Variants in MATN1 observed in about 807,000 individuals in gnomAD.
MATN1 encodes the protein matrilin-1.
In MATN1, 34 loss-of-function variants were observed where a neutral mutation model predicts 41.3. That is an observed-to-expected ratio of 0.82 (90% confidence interval 0.63 to 1.10). The LOEUF is 1.10. MATN1 is among the 50% of genes least tolerant of loss of function. MATN1 has a pLI of 0.00. For missense variants in MATN1, 602 were observed against 662.4 expected, an observed-to-expected ratio of 0.91 and a Z score of 1.00; for synonymous variants, 264 against 278.7, an observed-to-expected ratio of 0.95 and a Z score of 0.53.
rs1292821403 is a variant in MATN1 at position 30,715,329 on chromosome 1, A to G, written c.1208-20T>C. On this transcript the variant is annotated intron_variant, in intron 5 of 7. Coordinates refer to ENST00000373765, the MANE Select transcript of MATN1 (RefSeq NM_002379.3). Reference sequence around the variant, plus strand: ...TAAAGCCTGCCAGGAGGAACAGGAGAAGTAAGGCTGGACATGGGGATGGGC... The same window carrying G: ...TAAAGCCTGCCAGGAGGAACAGGAGGAGTAAGGCTGGACATGGGGATGGGC... The G allele has an allele frequency of 6.2e-7, 1 of 1,613,016 alleles. No individual in the cohort carries two copies. The highest frequency in any genetic ancestry group is 8.5e-7 in the Non-Finnish European group (1 of 1,179,294).
intron 2 of MATN1, chr1:30,721,204 A>G (rs1639690124): frequency 3.3e-6 from 2 of 597,984 alleles, no homozygotes; most frequent in Admixed American, 6.0e-5. Context: ...AGGTTGGGTA[A>G]AGGTGGCTTC....
intron 2 of MATN1, chr1:30,719,679 C>G (rs1327487563): frequency 6.5e-6 from 1 of 153,080 alleles, no homozygotes; most frequent in Non-Finnish European, 1.5e-5. Flanking sequence ...CACTGAGATC[C>G]GGCTTCGTGA....
rs1161610496 is a variant in MATN1, at chr1:30,723,552, A to C, written c.-1T>G. ...GGCTAGTGCCAGAGAGGACCCTCAT[A>C]GTTCTGGCAGCACGGGCAGCAGCCG... On this transcript the variant is annotated 5_prime_UTR_variant, in exon 1 of 8. Coordinates refer to ENST00000373765, the MANE Select transcript of MATN1 (RefSeq NM_002379.3). 3.3e-6 allele frequency: 5 copies of C among 1,533,776 alleles called. No homozygotes were observed. The highest frequency in any genetic ancestry group is 3.5e-6 in the Non-Finnish European group (4 of 1,139,232).
At chr1:30,714,815 G>C (rs1222816329) in intron 6 of MATN1, among the ~76,000 whole-genome samples, 1 of 152,150 alleles carries the variant, frequency 6.6e-6, no homozygotes, top group African/African-American at 2.4e-5. Flanking sequence ...GACCAGAGAG[G>C]CAGTAGGGTT....
At position 30,714,297 on chromosome 1, in the gene MATN1, A is replaced by T. The variant is rs1639589672; in HGVS notation, c.1391T>A (p.Val464Glu). Residue 464 changes from valine (V) to glutamate (E), a missense_variant, in exon 7 of 8, where the codon GTG (valine) becomes GAG (glutamate). Transcript: ENST00000373765. The stretch of plus-strand genomic sequence containing the variant: ...CCCCTCCACTTTGGCTTGGAATTTC[A>T]CCAGGGACTCGCAGGCACACGGGTC... ...EEDPCACESL[V>E]KFQAKVEGLL... 1 of 1,610,970 alleles carries T rather than the reference A, an allele frequency of 6.2e-7. No individual in the cohort carries two copies. Among genetic ancestry groups the T allele is most frequent in the Admixed American group, 1.7e-5 (1 of 59,718 alleles).
Position 30,721,531 on chromosome 1 carries a change from C to T in MATN1, c.315G>A (p.Leu105=), listed in dbSNP as rs747407501. 2 of 1,613,264 alleles carry T rather than the reference C, an allele frequency of 1.2e-6. No individual in the cohort carries two copies. Among genetic ancestry groups the T allele is most frequent in the South Asian group, 1.1e-5 (1 of 91,086 alleles). Residue 105 remains leucine, a synonymous_variant, in exon 2 of 8, where the codon CTG becomes CTA. Coordinates refer to ENST00000373765, the MANE Select transcript of MATN1 (RefSeq NM_002379.3). ...LRAHVSKAAL[L]QAVRRIQPLS... is the part of the protein sequence containing the mutation. ...GCGGCTGGATACGGCGCACAGCCTG[C>T]AGCAGTGCGGCCTTGGAGACATGAG...
rs20566 is a variant in MATN1, at chr1:30,716,054, A to G, written c.1062T>C (p.Thr354=). Residue 354 remains threonine, a synonymous_variant, in exon 5 of 8, where the codon ACT becomes ACC. Coordinates refer to ENST00000373765, the MANE Select transcript of MATN1 (RefSeq NM_002379.3). The part of the protein sequence containing the change: ...NMSYMEKGTM[T]GAALKYLIDN... The stretch of plus-strand genomic sequence containing the variant: ...CAATGAGGTACTTGAGAGCAGCCCC[A>G]GTCATTGTGCCCTTCTCCATGTAGG... 0.49 allele frequency: 795,308 copies of G among 1,613,978 alleles called. 203,188 individuals are homozygous for G. The highest frequency in any genetic ancestry group is 0.78 in the African/African-American group (58,859 of 74,994).
chr1:30,712,704 T>A lies in MATN1; in HGVS notation c.*878A>T, dbSNP rs1639567510. 1 of 151,616 alleles carries A rather than the reference T, an allele frequency of 6.6e-6. No homozygotes were observed. The highest frequency in any genetic ancestry group is 1.5e-5 in the Non-Finnish European group (1 of 67,896). 9.4% of individuals were successfully genotyped at this position (151,616 alleles called of 1,614,324 possible). On this transcript the variant is annotated 3_prime_UTR_variant, in exon 8 of 8. Coordinates refer to ENST00000373765, the MANE Select transcript of MATN1 (RefSeq NM_002379.3). ...ACTACGTCTGTCTCATACAGCACCATCCCCCCCCACCGCCATTGCCCTGTA... is the reference window on the plus strand; with the variant it reads ...ACTACGTCTGTCTCATACAGCACCAACCCCCCCCACCGCCATTGCCCTGTA...
rs148490013 is a variant in MATN1, at chr1:30,715,083, C to T, written c.1360+74G>A. ...GCCCCTGCTTTTCCCCACCCACACCCAGTTCCAGGATGGCTCCACCTCCAC... is the reference window on the plus strand; with the variant it reads ...GCCCCTGCTTTTCCCCACCCACACCTAGTTCCAGGATGGCTCCACCTCCAC... On this transcript the variant is annotated intron_variant, in intron 6 of 7. Transcript: ENST00000373765. 567 of 1,564,678 alleles carry T rather than the reference C, an allele frequency of 3.6e-4. 8 individuals are homozygous for T. In the East Asian group the frequency reaches 0.013, roughly 35 times the overall value.
At position 30,716,821 on chromosome 1, in the gene MATN1, G is replaced by A; in HGVS notation, c.759C>T (p.Phe253=). The change falls in exon 4 of 8, where the codon TTC becomes TTT. Residue 253 remains phenylalanine (F), a synonymous_variant. Coordinates refer to ENST00000373765, the MANE Select transcript of MATN1 (RefSeq NM_002379.3). The part of the protein sequence containing the change: ...GSYTCACHEG[F]TLNSDGKTCN... ...AGGTCTTGCCGTCGCTGTTCAGAGT[G>A]AAGCCCTCGTGGCAGGCGCAGGTGT... 1 of 1,614,016 alleles carries A rather than the reference G, an allele frequency of 6.2e-7. No individual in the cohort carries two copies. Among genetic ancestry groups the A allele is most frequent in the South Asian group, 1.1e-5 (1 of 91,076 alleles).
At chr1:30,717,984 A>T (rs369557009) in intron 3 of MATN1, among the ~76,000 whole-genome samples, 14 of 151,414 alleles carry the variant, frequency 9.2e-5, no homozygotes, top group African/African-American at 2.7e-4. Flanking sequence ...CCTCTCCCCA[A>T]CTCCCTTAAC....
intron 7 of MATN1, 191 bp from the exon 8 acceptor site, chr1:30,713,822 A>G: frequency 1.6e-6 from 1 of 624,168 alleles, no homozygotes; most frequent in East Asian, 2.8e-5. Flanking sequence ...ACGAGTGCCC[A>G]GCCCTGCTCA....
chr1:30,713,205 A>G lies in MATN1; in HGVS notation c.*377T>C. 4.4e-6 allele frequency: 1 copy of G among 227,826 alleles called. No individual in the cohort carries two copies. Among genetic ancestry groups the G allele is most frequent in the South Asian group, 8.8e-5 (1 of 11,424 alleles). The allele number at this position is 227,826 out of a possible 1,614,324, so 14.1% of individuals were successfully genotyped here. ...TTTCTCACCGGAGAATAGAGAAATC[A>G]GTAAAGAAATTCACAGCACTCAGAG... On this transcript the variant is annotated 3_prime_UTR_variant, in exon 8 of 8. Coordinates refer to ENST00000373765, the MANE Select transcript of MATN1 (RefSeq NM_002379.3).
chr1:30,713,477 G>T lies in MATN1; in HGVS notation c.*105C>A. On this transcript the variant is annotated 3_prime_UTR_variant, in exon 8 of 8. Transcript: ENST00000373765. ...TACACGCTCTCAATAGGCACACCCA[G>T]ACACACCCCCTCCCACCCCCGGGCT... is the stretch of plus-strand genomic sequence containing the variant. 8.5e-7 allele frequency: 1 copy of T among 1,171,144 alleles called. No individual in the cohort carries two copies. Among genetic ancestry groups the T allele is most frequent in the Non-Finnish European group, 1.2e-6 (1 of 803,608 alleles). The allele number at this position is 1,171,144 out of a possible 1,614,324, so 72.5% of individuals were successfully genotyped here.
In MATN1 at chr1:30,715,148, C is replaced by T; in HGVS notation, c.1360+9G>A. 6.2e-7 allele frequency: 1 copy of T among 1,613,932 alleles called. No homozygotes were observed. Among genetic ancestry groups the T allele is most frequent in the Non-Finnish European group, 8.5e-7 (1 of 1,179,834 alleles). ...AAATCCCATCAATGCCAGCCCTGGCCTCACTCACCCACACAGATCTTCTTC... is the reference window on the plus strand; with the variant it reads ...AAATCCCATCAATGCCAGCCCTGGCTTCACTCACCCACACAGATCTTCTTC... On this transcript the variant is annotated intron_variant, in intron 6 of 7. Transcript: ENST00000373765.
intron 6 of MATN1, 88 bp from the exon 7 acceptor site, chr1:30,714,415 A>T: frequency 9.2e-7 from 1 of 1,083,426 alleles, no homozygotes; most frequent in Non-Finnish European, 1.4e-6. Flanking sequence ...CAGGGCCAGG[A>T]CTCAGGATTC....
intron 6 of MATN1, 39 bp downstream of exon 6, chr1:30,715,118 C>A: frequency 6.2e-7 from 1 of 1,608,384 alleles, no homozygotes; most frequent in Non-Finnish European, 8.5e-7. Context: ...CAGTGCCCCA[C>A]CTGCAAATCC....
chr1:30,714,438 G>A, intron 6 of MATN1, 111 bp from the exon 7 acceptor site: 1 of 810,092 alleles, frequency 1.2e-6, no homozygotes, highest in South Asian at 1.5e-5. Context: ...GGGGAGGTGA[G>A]GGGCTTAAGG....
chr1:30,721,085 T>A (rs1639689054), intron 2 of MATN1: 1 of 300,214 alleles, frequency 3.3e-6, no homozygotes, highest in African/African-American at 2.1e-5. Flanking sequence ...GGCCACACCT[T>A]CACTCCTCCC....
Sources: allele counts gnomAD v4.1 joint callset (sites outside exome capture counted in the v4.1 genomes callset), GRCh38; gene constraint gnomAD v4.1.1; transcripts MANE v1.5; gene names NCBI Gene and HGNC (gene_info 2026-07-23, HGNC 2026-07-21).